CFAP77: variants seen among roughly 807,000 people sequenced by gnomAD.
The protein encoded by CFAP77 is cilia- and flagella-associated protein 77.
In CFAP77, 25 loss-of-function variants were observed where a neutral mutation model predicts 31.1. That is an observed-to-expected ratio of 0.80 (90% CI 0.59 to 1.12). The LOEUF (loss-of-function observed/expected upper bound fraction) is 1.12, where lower values mean the gene tolerates loss of function less well. CFAP77 is among the 50% of genes most tolerant of loss of function. The pLI is 0.00. For synonymous variants in CFAP77, 151 were observed against 159.9 expected, an observed-to-expected ratio of 0.94 and a Z score of 0.42; for missense variants, 377 against 397.3, an observed-to-expected ratio of 0.95 and a Z score of 0.44.
chr9:132,426,256 A>C (rs920579889), intron 1 of CFAP77, among the ~76,000 whole-genome samples: 3 of 152,226 alleles, frequency 2.0e-5, no homozygotes, highest in Admixed American at 2.0e-4. Context: ...ACCAATTTTG[A>C]GTTAGGAAAT....
chr9:132,508,183 T>A (rs1193726263), intron 3 of CFAP77, among the ~76,000 whole-genome samples: 1 of 152,120 alleles, frequency 6.6e-6, no homozygotes, highest in South Asian at 2.1e-4. Flanking sequence ...AGATGACACT[T>A]CATAGACTCC....
intron 3 of CFAP77, among the ~76,000 whole-genome samples, chr9:132,518,897 C>T (rs1309472687): frequency 6.6e-6 from 1 of 152,240 alleles, no homozygotes; most frequent in Non-Finnish European, 1.5e-5. Flanking sequence ...GCGTGGCTAC[C>T]CCCACAGGCT....
chr9:132,513,315 C>T, intron 3 of CFAP77: 4 of 1,548,486 alleles, frequency 2.6e-6, no homozygotes, highest in Non-Finnish European at 3.5e-6. Context: ...TCCCGTGAAC[C>T]CACTACCTGG....
chr9:132,569,810 A>T (rs1207636152), intron 5 of CFAP77, among the ~76,000 whole-genome samples: 1 of 139,986 alleles, frequency 7.1e-6, no homozygotes. Flanking sequence ...ATCTCGGCTC[A>T]CTGCAACCTC....
intron 3 of CFAP77, among the ~76,000 whole-genome samples, chr9:132,521,565 G>T (rs1213814639): frequency 1.3e-5 from 2 of 152,090 alleles, no homozygotes; most frequent in African/African-American, 4.8e-5. Flanking sequence ...GTGCAGGCAT[G>T]GCAGAGTGGG....
Position 132,501,061 on chromosome 9 carries a change from C to T in CFAP77, c.524+1461C>T, listed in dbSNP as rs1385425754. Among the ~76,000 whole-genome samples the T allele has an allele frequency of 6.6e-6, 1 of 152,272 alleles. No homozygotes were observed. Among genetic ancestry groups the T allele is most frequent in the African/African-American group, 2.4e-5 (1 of 41,468 alleles). Reference sequence around the variant, plus strand: ...CAGATGAAATGAGCCAGACATGACCCATGTCCCAACCCTGGCACACATGAC... The same window carrying T: ...CAGATGAAATGAGCCAGACATGACCTATGTCCCAACCCTGGCACACATGAC... On this transcript the variant is annotated intron_variant, in intron 3 of 5. Coordinates refer to ENST00000393216, the MANE Select transcript of CFAP77 (RefSeq NM_001282957.2). The surrounding 1 kb of genome is among the most constrained non-coding windows in gnomAD (Gnocchi z 4.6).
chr9:132,502,052 C>T (rs491864), intron 3 of CFAP77, among the ~76,000 whole-genome samples: 29,209 of 152,086 alleles, frequency 0.19, 2,874 homozygotes, highest in South Asian at 0.26. Flanking sequence ...GCGGCTGCTC[C>T]CAGACAGTAG....
At position 132,511,434 on chromosome 9, in the gene CFAP77, C is replaced by G. The variant is rs1391067732; in HGVS notation, c.524+11834C>G. ...CCACTGCCTGCAGACCTGAGCATCT[C>G]CCCCACCAGACTCAGTGGGGCGGGC... On this transcript the variant is annotated intron_variant, in intron 3 of 5. Coordinates refer to ENST00000393216, the MANE Select transcript of CFAP77 (RefSeq NM_001282957.2). This position sits in a 1 kb window ranked among gnomAD's most constrained non-coding sequence, Gnocchi z 5.8. Among the ~76,000 whole-genome samples, 2 of 152,220 alleles carry G rather than the reference C, an allele frequency of 1.3e-5. No homozygotes were observed. The highest frequency in any genetic ancestry group is 1.3e-4 in the Admixed American group (2 of 15,290).
At chr9:132,451,135 A>G (rs1437714261) in intron 1 of CFAP77, among the ~76,000 whole-genome samples, 1 of 152,048 alleles carries the variant, frequency 6.6e-6, no homozygotes, top group Non-Finnish European at 1.5e-5. Context: ...TCAGGAGTTC[A>G]AGACCAGCCT....
At chr9:132,533,886 GAA>G (rs1465741769) in intron 3 of CFAP77, among the ~76,000 whole-genome samples, 1 of 151,210 alleles carries the variant, frequency 6.6e-6, no homozygotes, top group African/African-American at 2.4e-5. Context: ...ATCTCAAAAA[GAA>G]AAAAAAGGAA....
intron 5 of CFAP77, among the ~76,000 whole-genome samples, chr9:132,553,872 G>GA (rs1852857416): frequency 6.6e-6 from 1 of 152,216 alleles, no homozygotes; most frequent in Non-Finnish European, 1.5e-5. Flanking sequence ...AACGCCACTT[G>GA]AATCACTTAA....
chr9:132,473,635 G>A (rs1451549731), intron 1 of CFAP77, among the ~76,000 whole-genome samples: 2 of 152,194 alleles, frequency 1.3e-5, no homozygotes, highest in African/African-American at 4.8e-5. Flanking sequence ...CTTCCCCAGT[G>A]CAGGCGAAGG....
At chr9:132,446,743 CAAAA>C (rs1184310514) in intron 1 of CFAP77, among the ~76,000 whole-genome samples, 11 of 66,062 alleles carry the variant, frequency 1.7e-4, no homozygotes, top group Middle Eastern at 7.6e-3. Flanking sequence ...TCCTCCGTCT[CAAAA>C]AAAAAAAAAA....
At chr9:132,551,535 AT>A (rs1391010277) in intron 5 of CFAP77, among the ~76,000 whole-genome samples, 1 of 152,128 alleles carries the variant, frequency 6.6e-6, no homozygotes, top group Non-Finnish European at 1.5e-5. Flanking sequence ...GCCTCCAGTG[AT>A]CCGCCCACCT....
At chr9:132,570,297 C>A (rs924511554) in intron 5 of CFAP77, among the ~76,000 whole-genome samples, 5 of 152,204 alleles carry the variant, frequency 3.3e-5, no homozygotes, top group Non-Finnish European at 5.9e-5. Context: ...AGACATGCAG[C>A]CCTGGGTCCA....
intron 1 of CFAP77, among the ~76,000 whole-genome samples, chr9:132,467,690 C>G (rs1003885534): frequency 6.6e-6 from 1 of 152,096 alleles, no homozygotes; most frequent in Admixed American, 6.6e-5. Flanking sequence ...TTTCTGCTGT[C>G]ACTTCTTTTG....
intron 5 of CFAP77, among the ~76,000 whole-genome samples, chr9:132,543,633 T>G (rs1852683975): frequency 6.6e-6 from 1 of 152,146 alleles, no homozygotes; most frequent in Non-Finnish European, 1.5e-5. Flanking sequence ...GCAAGACAGA[T>G]GCATGCCAAC....
intron 1 of CFAP77, among the ~76,000 whole-genome samples, chr9:132,456,746 T>A (rs1008871743): frequency 6.6e-6 from 1 of 151,828 alleles, no homozygotes; most frequent in Admixed American, 6.6e-5. Flanking sequence ...ACTGGAGATT[T>A]AAAAAAAATT....
At chr9:132,486,032 A>ATG (rs1851540432) in intron 1 of CFAP77, among the ~76,000 whole-genome samples, 1 of 25,516 alleles carries the variant, frequency 3.9e-5, no homozygotes. Flanking sequence ...ATATATATAT[A>ATG]TATATATATG....
Sources: allele counts gnomAD v4.1 joint callset (sites outside exome capture counted in the v4.1 genomes callset), GRCh38; gene constraint gnomAD v4.1.1; non-coding constraint Gnocchi (gnomAD v3.1); transcripts MANE v1.5; gene names NCBI Gene and HGNC (gene_info 2026-07-23, HGNC 2026-07-21).